MAP4: variants seen among roughly 807,000 people sequenced by gnomAD.
MAP4 encodes microtubule associated protein 4, also known as microtubule-associated protein 4.
A neutral mutation model predicts 170.2 loss-of-function variants in MAP4; 76 were observed. The observed-to-expected ratio is 0.45, with a 90% confidence interval of 0.37 to 0.54. MAP4 has a LOEUF of 0.54. MAP4 is among the 20% of genes least tolerant of loss of function. The pLI is 0.00. For missense variants in MAP4, 2,506 were observed against 2,748.0 expected, an observed-to-expected ratio of 0.91 and a Z score of 1.97; for synonymous variants, 909 against 994.5, an observed-to-expected ratio of 0.91 and a Z score of 1.62.
intron 1 of MAP4, among the ~76,000 whole-genome samples, chr3:48,004,848 G>A (rs371363700): frequency 7.4e-4 from 113 of 151,822 alleles, no homozygotes; most frequent in Non-Finnish European, 8.8e-4. Context: ...CCCCATCCCC[G>A]CCATCAACCT....
intron 1 of MAP4, among the ~76,000 whole-genome samples, chr3:48,042,423 A>T (rs1453875191): frequency 6.6e-6 from 1 of 152,234 alleles, no homozygotes; most frequent in Non-Finnish European, 1.5e-5. Flanking sequence ...AAATACCAAA[A>T]ACTCTGGCAA....
At chr3:47,975,730 C>T (rs975596784) in intron 3 of MAP4, among the ~76,000 whole-genome samples, 1 of 152,040 alleles carries the variant, frequency 6.6e-6, no homozygotes, top group Non-Finnish European at 1.5e-5. Context: ...AAAACATGCA[C>T]TGCCATCCCC....
At chr3:47,959,323 T>C (rs2100069942) in intron 3 of MAP4, among the ~76,000 whole-genome samples, 1 of 151,800 alleles carries the variant, frequency 6.6e-6, no homozygotes, top group Non-Finnish European at 1.5e-5. Flanking sequence ...CCGAGCGTGG[T>C]AGCACACACC....
chr3:47,896,034 CAA>C (rs2100026651), intron 10 of MAP4, among the ~76,000 whole-genome samples: 1 of 152,080 alleles, frequency 6.6e-6, no homozygotes, highest in Non-Finnish European at 1.5e-5. Context: ...ACAAGAAGTT[CAA>C]GCCCATAGAA....
intron 3 of MAP4, among the ~76,000 whole-genome samples, chr3:47,970,519 A>C (rs1175157511): frequency 7.0e-6 from 1 of 143,766 alleles, no homozygotes; most frequent in Non-Finnish European, 1.5e-5. Context: ...AACCCAAAAA[A>C]CATCAGAAGG....
At chr3:47,978,615 G>A (rs911488832) in intron 2 of MAP4, among the ~76,000 whole-genome samples, 5 of 151,980 alleles carry the variant, frequency 3.3e-5, no homozygotes, top group African/African-American at 9.7e-5. Flanking sequence ...CATGCCCAGC[G>A]GAGGCCATTT....
chr3:47,875,208 GGAT>G (rs2094904229), intron 12 of MAP4, among the ~76,000 whole-genome samples: 1 of 152,198 alleles, frequency 6.6e-6, no homozygotes, highest in South Asian at 2.1e-4. Flanking sequence ...AACTTCTGCA[GGAT>G]GATAACAGGG....
chr3:47,917,270 C>T (rs2100040187), intron 6 of MAP4, 96 bp from the exon 7 acceptor site: 3 of 953,556 alleles, frequency 3.1e-6, no homozygotes, highest in Non-Finnish European at 4.8e-6. Context: ...GCTTTTGTGA[C>T]CATAAGACTG....
Position 47,852,647 on chromosome 3 carries a change from G to A in MAP4, c.*287C>T, listed in dbSNP as rs2044799876. On this transcript the variant is annotated 3_prime_UTR_variant, in exon 21 of 21. Coordinates refer to ENST00000683076, the MANE Select transcript of MAP4 (RefSeq NM_001385682.1). ...CTCCACGGAGCAGTGGCGCAGTGATGGGGCAAGACCAAAGCAGGGAGATGG... is the reference window on the plus strand; with the variant it reads ...CTCCACGGAGCAGTGGCGCAGTGATAGGGCAAGACCAAAGCAGGGAGATGG... The A allele has an allele frequency of 8.6e-7, 1 of 1,167,410 alleles. No homozygotes were observed. The highest frequency in any genetic ancestry group is 1.5e-5 in the African/African-American group (1 of 64,552). 72.3% of individuals were successfully genotyped at this position (1,167,410 alleles called of 1,614,324 possible).
At chr3:48,061,909 C>A (rs1005973828) in intron 1 of MAP4, among the ~76,000 whole-genome samples, 4 of 150,236 alleles carry the variant, frequency 2.7e-5, no homozygotes, top group African/African-American at 9.8e-5. Flanking sequence ...GCCGCCACCC[C>A]GTCCGGGAGG....
At position 47,973,864 on chromosome 3, in the gene MAP4, T is replaced by A. The variant is rs1475766808; in HGVS notation, c.292+4001A>T. On this transcript the variant is annotated intron_variant, in intron 3 of 20. Transcript: ENST00000683076. ...GGTTGTGTTTTCTTTGATGGTGTATTCTCTATGGCAAGAGAGTTTTAATAT... is the reference window on the plus strand; with the variant it reads ...GGTTGTGTTTTCTTTGATGGTGTATACTCTATGGCAAGAGAGTTTTAATAT... The A allele has an allele frequency of 1.1e-5, 11 of 985,250 alleles. No homozygotes were observed. The African/African-American group carries it at 1.7e-4, about 16-fold the overall frequency. 61.0% of individuals were successfully genotyped at this position (985,250 alleles called of 1,614,324 possible).
intron 1 of MAP4, among the ~76,000 whole-genome samples, chr3:48,051,401 T>A (rs988160212): frequency 2.6e-5 from 4 of 151,826 alleles, no homozygotes; most frequent in African/African-American, 9.7e-5. Flanking sequence ...AAAGAAAATT[T>A]AAAAAATTAA....
intron 3 of MAP4, among the ~76,000 whole-genome samples, chr3:47,932,778 C>T (rs946919124): frequency 6.6e-6 from 1 of 152,154 alleles, no homozygotes. Flanking sequence ...TCGGGTGCAG[C>T]GGCTGTTCAC....
At chr3:47,928,093 G>A in intron 4 of MAP4, 135 bp downstream of exon 4, 1 of 1,021,888 alleles carries the variant, frequency 9.8e-7, no homozygotes, top group Middle Eastern at 2.1e-4. Flanking sequence ...AGAAGAGAAA[G>A]GGACAAACCA....
At chr3:47,871,402 G>T in intron 13 of MAP4, 116 bp from the exon 14 acceptor site, 1 of 864,888 alleles carries the variant, frequency 1.2e-6, no homozygotes, top group Non-Finnish European at 1.9e-6. Flanking sequence ...TTGAGCCAGG[G>T]ACTGTGTTAG....
At chr3:48,054,024 C>T (rs911316575) in intron 1 of MAP4, among the ~76,000 whole-genome samples, 2 of 152,144 alleles carry the variant, frequency 1.3e-5, no homozygotes, top group African/African-American at 4.8e-5. Context: ...ACATACCCAG[C>T]CAGGCATGGT....
intron 1 of MAP4, among the ~76,000 whole-genome samples, chr3:48,031,027 C>T (rs1205259263): frequency 2.0e-5 from 3 of 152,012 alleles, no homozygotes; most frequent in Non-Finnish European, 2.9e-5. Flanking sequence ...TAGTGACCTC[C>T]TTCTAAAGAG....
Position 47,911,751 on chromosome 3 carries a change from G to A in MAP4, c.2670C>T (p.Asn890=), listed in dbSNP as rs1367908189. The A allele has an allele frequency of 6.5e-7, 1 of 1,536,096 alleles. No homozygotes were observed. The highest frequency in any genetic ancestry group is 1.4e-5 in the African/African-American group (1 of 73,124). The part of the protein sequence containing the change: ...ESKSNKSVLQ[N]QDKKLLKQHE... The stretch of plus-strand genomic sequence containing the variant: ...GTTGCTTCAGCAATTTCTTGTCTTG[G>A]TTTTGTAGTACTGACTTGTTACTTT... Residue 890 remains asparagine (N), a synonymous_variant, in exon 9 of 21, where the codon AAC becomes AAT. Transcript: ENST00000683076. The surrounding 1 kb of genome is among the most constrained non-coding windows in gnomAD (Gnocchi z 4.0).
chr3:47,946,439 A>C (rs1234875831), intron 3 of MAP4, among the ~76,000 whole-genome samples: 2 of 151,138 alleles, frequency 1.3e-5, no homozygotes, highest in Non-Finnish European at 3.0e-5. Context: ...AGATCACCTG[A>C]GGTCAGGAGT....
Sources: allele counts gnomAD v4.1 joint callset (sites outside exome capture counted in the v4.1 genomes callset), GRCh38; gene constraint gnomAD v4.1.1; non-coding constraint Gnocchi (gnomAD v3.1); transcripts MANE v1.5; gene names NCBI Gene and HGNC (gene_info 2026-07-23, HGNC 2026-07-21).